Variants in PLXNA4 observed in about 807,000 individuals in gnomAD.
PLXNA4 encodes plexin A4, also known as plexin-A4.
In PLXNA4, 44 loss-of-function variants were observed where a neutral mutation model predicts 191.8. The ratio of observed to expected loss-of-function variants is 0.23; its 90% CI spans 0.18 to 0.29. The LOEUF (loss-of-function observed/expected upper bound fraction) is 0.29. Among genes scored for constraint, PLXNA4 ranks in the 10% least tolerant of loss-of-function variants. The pLI is 1.00. For missense variants in PLXNA4, 1,800 were observed against 2,488.8 expected (o/e 0.72, Z 5.89); for synonymous variants, 1,082 against 1,009.5 (o/e 1.07, Z -1.36).
At chr7:132,611,599 C>A (rs1033977622) in intron 2 of PLXNA4, among the ~76,000 whole-genome samples, 1 of 152,196 alleles carries the variant, frequency 6.6e-6, no homozygotes, top group Non-Finnish European at 1.5e-5. Context: ...TATTAAACAA[C>A]CTGGGGCATG....
rs1794874436 is a variant in PLXNA4, at chr7:132,129,807, C to G, written c.*672G>C. On this transcript the variant is annotated 3_prime_UTR_variant, in exon 32 of 32. Coordinates refer to ENST00000321063, the MANE Select transcript of PLXNA4 (RefSeq NM_020911.2). ...AGGGCAGGCAGGTCCCTCTGGAGAC[C>G]TGGAAAAGGACAGGAAGCCTCTGGA... The G allele has an allele frequency of 6.5e-6, 1 of 152,748 alleles. No homozygotes were observed. Among genetic ancestry groups the G allele is most frequent in the Non-Finnish European group, 1.5e-5 (1 of 68,182 alleles). The allele number at this position is 152,748 out of a possible 1,614,324, so 9.5% of individuals were successfully genotyped here.
In PLXNA4 at chr7:132,638,760, A is replaced by AAT. The variant is rs899297874; in HGVS notation, c.-87+7166_-87+7167dup. Reference sequence around the variant, plus strand: ...TTTTACCCTGATCACATGAAATAAAAATATATATATATATTAATGGTAAGG... The same window carrying AAT: ...TTTTACCCTGATCACATGAAATAAAAATATATATATATATATTAATGGTAAGG... On this transcript the variant is annotated intron_variant, in intron 2 of 4. Transcript: ENST00000378539. Among the ~76,000 whole-genome samples the AAT allele has an allele frequency of 1.2e-4, 19 of 152,078 alleles. No individual in the cohort carries two copies. In the Middle Eastern group the frequency reaches 0.01, roughly 82 times the overall value.
intron 3 of PLXNA4, among the ~76,000 whole-genome samples, chr7:132,441,783 G>A (rs1044987030): frequency 2.6e-5 from 4 of 152,152 alleles, no homozygotes; most frequent in Admixed American, 2.6e-4. Context: ...GCCAGTCAGG[G>A]AAATGAAGGT....
chr7:132,235,699 C>A (rs1221781982), intron 5 of PLXNA4, among the ~76,000 whole-genome samples: 1 of 152,142 alleles, frequency 6.6e-6, no homozygotes, highest in African/African-American at 2.4e-5. Context: ...GCTGGGTCTG[C>A]TGGGCAGGAT....
At position 132,615,802 on chromosome 7, in the gene PLXNA4, T is replaced by C. The variant is rs545796342; in HGVS notation, c.-87+30126A>G. On this transcript the variant is annotated intron_variant, in intron 2 of 4. Coordinates refer to the PLXNA4 transcript ENST00000378539. ...GGGTGCACACACACACTCATGCACA[T>C]GCACACACACACACATGCATTCATT... Among the ~76,000 whole-genome samples the C allele has an allele frequency of 7.2e-5, 11 of 151,808 alleles. No individual in the cohort carries two copies. In the South Asian group the frequency reaches 1.5e-3, roughly 20 times the overall value.
chr7:132,346,933 A>G (rs1009090461), intron 3 of PLXNA4, among the ~76,000 whole-genome samples: 1 of 152,224 alleles, frequency 6.6e-6, no homozygotes, highest in African/African-American at 2.4e-5. Flanking sequence ...AGATTTGATC[A>G]GTAGTGAGAG....
intron 4 of PLXNA4, among the ~76,000 whole-genome samples, chr7:132,295,464 GAC>G (rs1402709648): frequency 1.3e-5 from 2 of 152,200 alleles, no homozygotes; most frequent in Non-Finnish European, 2.9e-5. Context: ...TTAGCCTGCA[GAC>G]ACAGTGTGCA....
At position 132,387,037 on chromosome 7, in the gene PLXNA4, A is replaced by C. The variant is rs2116970930; in HGVS notation, c.1372-88815T>G. Among the ~76,000 whole-genome samples the C allele has an allele frequency of 2.0e-5, 3 of 152,364 alleles. No homozygotes were observed. The Middle Eastern group carries it at 0.01, about 518-fold the overall frequency. On this transcript the variant is annotated intron_variant, in intron 3 of 31. Coordinates refer to ENST00000321063, the MANE Select transcript of PLXNA4 (RefSeq NM_020911.2). ...TGAGTATGTGCTGGGATGTTGCATC[A>C]ATATCAAGTTGCTGTATACATTTCT... is the stretch of plus-strand genomic sequence containing the variant.
rs115515040 is a variant in PLXNA4, at chr7:132,395,064, A to T, written c.1371+94228T>A. ...CTGCATCTCTCTGCAGCCTTACAGC[A>T]AATGGGTAGCCACCACAGCTGCTGA... On this transcript the variant is annotated intron_variant, in intron 3 of 31. Coordinates refer to ENST00000321063, the MANE Select transcript of PLXNA4 (RefSeq NM_020911.2). 6.3e-3 allele frequency among the ~76,000 whole-genome samples: 964 copies of T among 152,374 alleles called. 8 individuals carry two copies. Among genetic ancestry groups the T allele is most frequent in the African/African-American group, 0.023 (937 of 41,594 alleles).
chr7:132,557,896 T>C (rs1470901251), intron 1 of PLXNA4, among the ~76,000 whole-genome samples: 1 of 152,104 alleles, frequency 6.6e-6, no homozygotes, highest in Non-Finnish European at 1.5e-5. Flanking sequence ...AATACTTCTC[T>C]TTTCAAGCTC....
chr7:132,533,030 C>T (rs914774537), intron 1 of PLXNA4, among the ~76,000 whole-genome samples: 6 of 152,192 alleles, frequency 3.9e-5, no homozygotes, highest in Non-Finnish European at 7.3e-5. Flanking sequence ...ACAAATCCCT[C>T]CTAACTTCCA....
At chr7:132,310,085 A>T (rs543490336) in intron 3 of PLXNA4, among the ~76,000 whole-genome samples, 24 of 152,196 alleles carry the variant, frequency 1.6e-4, no homozygotes, top group Non-Finnish European at 2.8e-4. Flanking sequence ...CTGTGCAGGC[A>T]ACCAAGCTCG....
At chr7:132,369,960 C>T (rs184728625) in intron 3 of PLXNA4, among the ~76,000 whole-genome samples, 13 of 150,696 alleles carry the variant, frequency 8.6e-5, no homozygotes, top group East Asian at 4.0e-4. Context: ...CCCAGCTACT[C>T]GGGAGGCTGA....
rs1795298580 is a variant in PLXNA4, at chr7:132,142,455, C to T, written c.5226-1644G>A. Reference sequence around the variant, plus strand: ...TTGAATTACATCATTTCAATAGAACCAGTACAATATTTCTATACTTGCTCT... The same window carrying T: ...TTGAATTACATCATTTCAATAGAACTAGTACAATATTTCTATACTTGCTCT... On this transcript the variant is annotated intron_variant, in intron 29 of 31. Transcript: ENST00000321063. Among the ~76,000 whole-genome samples the T allele has an allele frequency of 2.6e-5, 4 of 152,192 alleles. No homozygotes were observed. In the South Asian group the frequency reaches 8.3e-4, roughly 32 times the overall value.
intron 16 of PLXNA4, among the ~76,000 whole-genome samples, chr7:132,183,368 C>A (rs1216571000): frequency 6.6e-6 from 1 of 152,188 alleles, no homozygotes; most frequent in African/African-American, 2.4e-5. Context: ...AAATGCCCAC[C>A]ATCACTGTTC....
At chr7:132,344,983 G>A (rs1803187000) in intron 3 of PLXNA4, among the ~76,000 whole-genome samples, 1 of 152,184 alleles carries the variant, frequency 6.6e-6, no homozygotes, top group Admixed American at 6.5e-5. Context: ...TCACCAGAAA[G>A]TGGTAAATAA....
At chr7:132,317,592 T>C (rs1801996360) in intron 3 of PLXNA4, among the ~76,000 whole-genome samples, 1 of 152,118 alleles carries the variant, frequency 6.6e-6, no homozygotes, top group Non-Finnish European at 1.5e-5. Context: ...TTGACTTGAG[T>C]TGGACTGAAC....
At chr7:132,170,597 G>T (rs1055636860) in intron 21 of PLXNA4, among the ~76,000 whole-genome samples, 3 of 152,252 alleles carry the variant, frequency 2.0e-5, no homozygotes, top group Non-Finnish European at 4.4e-5. Flanking sequence ...CTGTGTTCCA[G>T]GCTCAGGGCA....
At chr7:132,389,409 T>C (rs1165605971) in intron 3 of PLXNA4, among the ~76,000 whole-genome samples, 2 of 152,256 alleles carry the variant, frequency 1.3e-5, no homozygotes, top group Non-Finnish European at 2.9e-5. Flanking sequence ...AGGTCTTACA[T>C]TTAAGTCTTG....
Sources: gnomAD v4.1 joint callset for allele counts (sites outside exome capture counted in the v4.1 genomes callset) on GRCh38, gnomAD v4.1.1 for gene constraint, MANE v1.5 for transcripts, NCBI Gene and HGNC (gene_info 2026-07-23, HGNC 2026-07-21) for gene names.